EEFSEC: variants seen among roughly 807,000 people sequenced by gnomAD.
EEFSEC encodes eukaryotic elongation factor, selenocysteine-tRNA specific, also known as selenocysteine-specific elongation factor.
A neutral mutation model predicts 42.1 loss-of-function variants in EEFSEC; 43 were observed. The observed-to-expected ratio is 1.02, with a 90% CI of 0.80 to 1.32. The LOEUF (loss-of-function observed/expected upper bound fraction) is 1.32. EEFSEC is among the 40% of genes most tolerant of loss of function. The pLI is 0.00. For missense variants in EEFSEC, 745 were observed against 803.6 expected, an observed-to-expected ratio of 0.93 and a Z score of 0.88; for synonymous variants, 354 against 339.1, an observed-to-expected ratio of 1.04 and a Z score of -0.48.
At chr3:128,394,791 T>C (rs2067961754) in intron 6 of EEFSEC, among the ~76,000 whole-genome samples, 1 of 152,098 alleles carries the variant, frequency 6.6e-6, no homozygotes, top group African/African-American at 2.4e-5. Context: ...GCCTTTTCTT[T>C]CATTGGAAGG....
intron 6 of EEFSEC, among the ~76,000 whole-genome samples, chr3:128,367,350 GA>G (rs1201594223): frequency 6.6e-6 from 1 of 152,228 alleles, no homozygotes; most frequent in Non-Finnish European, 1.5e-5. Flanking sequence ...ACAATGCCAT[GA>G]GATCTTACAG....
intron 1 of EEFSEC, among the ~76,000 whole-genome samples, chr3:128,196,678 G>A (rs921350924): frequency 6.6e-6 from 1 of 152,030 alleles, no homozygotes; most frequent in Non-Finnish European, 1.5e-5. Context: ...CACAATTTAA[G>A]TGTTTGGTTG....
At chr3:128,260,931 G>C (rs2066289887) in intron 2 of EEFSEC, among the ~76,000 whole-genome samples, 1 of 148,062 alleles carries the variant, frequency 6.8e-6, no homozygotes. Context: ...TTCACTCTTA[G>C]ATGTGTACCC....
intron 4 of EEFSEC, among the ~76,000 whole-genome samples, chr3:128,324,115 G>T (rs1376061206): frequency 2.0e-5 from 3 of 152,194 alleles, no homozygotes; most frequent in Non-Finnish European, 4.4e-5. Flanking sequence ...TTGGTCTGGG[G>T]CTGGGAGTGG....
At chr3:128,289,185 C>T (rs1327320481) in intron 4 of EEFSEC, among the ~76,000 whole-genome samples, 1 of 152,230 alleles carries the variant, frequency 6.6e-6, no homozygotes, top group Non-Finnish European at 1.5e-5. Context: ...GCGACACCAC[C>T]ACTCAGCTCT....
rs778113765 is a variant in EEFSEC, at chr3:128,153,669, G to T, written c.162G>T (p.Ser54=). 5 of 1,596,358 alleles carry T rather than the reference G, an allele frequency of 3.1e-6. 1 individual carries two copies. In the South Asian group the frequency reaches 5.5e-5, roughly 18 times the overall value. ...ERGITLDLGF[S]CFSVPLPARL... ...GCATCACGCTCGATCTGGGCTTCTC[G>T]TGCTTCTCGGTGCCGCTGCCCGCGC... is the stretch of plus-strand genomic sequence containing the variant. Residue 54 remains serine (S), a synonymous_variant, in exon 1 of 7, where the codon TCG becomes TCT. Transcript: ENST00000254730.
intron 1 of EEFSEC, among the ~76,000 whole-genome samples, chr3:128,234,050 TTTATTTAA>T (rs1030878481): frequency 2.0e-5 from 3 of 151,420 alleles, no homozygotes; most frequent in Admixed American, 6.6e-5. Context: ...TATTTATTTA[TTTATTTAA>T]TTTATTTATT....
chr3:128,233,865 C>T (rs974216673), intron 1 of EEFSEC, among the ~76,000 whole-genome samples: 3 of 152,280 alleles, frequency 2.0e-5, no homozygotes, highest in East Asian at 1.9e-4. Context: ...CAAATCTCTT[C>T]AAGTCTCAGC....
rs59869270 is a variant in EEFSEC at position 128,321,254 on chromosome 3, A to T, written c.787-19979A>T. Among the ~76,000 whole-genome samples, 602 of 152,154 alleles carry T rather than the reference A, an allele frequency of 4.0e-3. 7 individuals carry two copies. The highest frequency in any genetic ancestry group is 0.014 in the African/African-American group (561 of 41,496). Reference sequence around the variant, plus strand: ...AGGAGCTGAGCCAGGGCCCTGTCAGAGCTGGCTTGGAACTGGCTTTCTGCT... The same window carrying T: ...AGGAGCTGAGCCAGGGCCCTGTCAGTGCTGGCTTGGAACTGGCTTTCTGCT... On this transcript the variant is annotated intron_variant, in intron 4 of 6. Transcript: ENST00000254730.
At chr3:128,202,712 G>A (rs995561387) in intron 1 of EEFSEC, among the ~76,000 whole-genome samples, 1 of 152,160 alleles carries the variant, frequency 6.6e-6, no homozygotes, top group Non-Finnish European at 1.5e-5. Context: ...TGGTGAGAGT[G>A]GACATCCTTG....
intron 4 of EEFSEC, among the ~76,000 whole-genome samples, chr3:128,265,856 T>G (rs2066348584): frequency 6.6e-6 from 1 of 152,242 alleles, no homozygotes; most frequent in African/African-American, 2.4e-5. Context: ...TACATAGATG[T>G]AAATATGTAG....
At chr3:128,250,309 T>A (rs2066172327) in intron 2 of EEFSEC, among the ~76,000 whole-genome samples, 1 of 152,154 alleles carries the variant, frequency 6.6e-6, no homozygotes, top group Non-Finnish European at 1.5e-5. Context: ...TGGAGTCATA[T>A]CCATGAAACT....
At chr3:128,285,704 T>C (rs1308513684) in intron 4 of EEFSEC, among the ~76,000 whole-genome samples, 2 of 152,002 alleles carry the variant, frequency 1.3e-5, no homozygotes, top group Non-Finnish European at 2.9e-5. Context: ...CCAACCCAGC[T>C]CCCCTCGCCC....
intron 1 of EEFSEC, among the ~76,000 whole-genome samples, chr3:128,172,119 T>C (rs1001014450): frequency 6.6e-6 from 1 of 152,236 alleles, no homozygotes; most frequent in Non-Finnish European, 1.5e-5. Context: ...TTACAACTCC[T>C]GTCCCACCAG....
intron 1 of EEFSEC, among the ~76,000 whole-genome samples, chr3:128,213,457 A>G (rs2065779684): frequency 6.6e-6 from 1 of 152,156 alleles, no homozygotes; most frequent in Non-Finnish European, 1.5e-5. Flanking sequence ...CACTTCAGAT[A>G]CCTGGCCCAG....
At chr3:128,405,174 G>A (rs2068094917) in intron 6 of EEFSEC, among the ~76,000 whole-genome samples, 3 of 151,992 alleles carry the variant, frequency 2.0e-5, no homozygotes, top group South Asian at 4.2e-4. Context: ...CCGCCACCAC[G>A]CCCGGCTAAT....
At chr3:128,224,215 T>C (rs2065887175) in intron 1 of EEFSEC, among the ~76,000 whole-genome samples, 1 of 152,252 alleles carries the variant, frequency 6.6e-6, no homozygotes. Flanking sequence ...CCTCTCCTCC[T>C]GTTTTTGGTA....
intron 1 of EEFSEC, among the ~76,000 whole-genome samples, chr3:128,211,367 A>C (rs1256174602): frequency 2.0e-5 from 3 of 151,940 alleles, no homozygotes; most frequent in Non-Finnish European, 4.4e-5. Context: ...AATCCTCCCA[A>C]CTCAGCCTCT....
At chr3:128,199,926 G>GT (rs1039166795) in intron 1 of EEFSEC, among the ~76,000 whole-genome samples, 1 of 152,092 alleles carries the variant, frequency 6.6e-6, no homozygotes, top group African/African-American at 2.4e-5. Context: ...TAGAGACAGC[G>GT]TTTTGGCACT....
Sources: gnomAD v4.1 joint callset for allele counts (sites outside exome capture counted in the v4.1 genomes callset) on GRCh38, gnomAD v4.1.1 for gene constraint, MANE v1.5 for transcripts, NCBI Gene and HGNC (gene_info 2026-07-23, HGNC 2026-07-21) for gene names.